The following PDGFC variants were observed in gnomAD, a reference collection of about 807,000 sequenced individuals.
PDGFC encodes the protein platelet-derived growth factor C.
In PDGFC, 12 loss-of-function variants were observed where a neutral mutation model predicts 35.5. That is an observed-to-expected ratio of 0.34 (90% CI 0.22 to 0.55). The LOEUF (loss-of-function observed/expected upper bound fraction) is 0.55, where lower values mean the gene tolerates loss of function less well. PDGFC is among the 20% of genes least tolerant of loss of function. PDGFC has a pLI of 0.91. For synonymous variants in PDGFC, 159 were observed against 148.8 expected, an observed-to-expected ratio of 1.07 and a Z score of -0.50; for missense variants, 322 against 412.4, an observed-to-expected ratio of 0.78 and a Z score of 1.90.
intron 1 of PDGFC, among the ~76,000 whole-genome samples, chr4:156,960,713 C>A (rs1732323513): frequency 6.6e-6 from 1 of 151,942 alleles, no homozygotes; most frequent in Admixed American, 6.6e-5. Flanking sequence ...ATTTTTCATA[C>A]CAGCATTATC....
chr4:156,800,130 C>T (rs1018250487), intron 3 of PDGFC, among the ~76,000 whole-genome samples: 1 of 152,060 alleles, frequency 6.6e-6, no homozygotes, highest in Non-Finnish European at 1.5e-5. Flanking sequence ...GAGTTTTAAT[C>T]TACAAAATGG....
At chr4:156,956,333 C>T (rs944317489) in intron 1 of PDGFC, among the ~76,000 whole-genome samples, 7 of 151,878 alleles carry the variant, frequency 4.6e-5, no homozygotes, top group African/African-American at 1.5e-4. Context: ...GTCCTCAGTC[C>T]GATGGCATTA....
At chr4:156,810,128 T>A (rs1245360391) in intron 3 of PDGFC, among the ~76,000 whole-genome samples, 1 of 151,572 alleles carries the variant, frequency 6.6e-6, no homozygotes, top group Non-Finnish European at 1.5e-5. Flanking sequence ...TATTGCCTAT[T>A]AATAAAAATG....
intron 1 of PDGFC, chr4:156,873,768 G>A (rs574127165): frequency 6.6e-6 from 1 of 152,332 alleles, no homozygotes; most frequent in African/African-American, 2.4e-5. Flanking sequence ...TGCCAGAACA[G>A]TCCTTGGACT....
rs190118976 is a variant in PDGFC, at chr4:156,898,533, C to T, written c.119-48117G>A. On this transcript the variant is annotated intron_variant, in intron 1 of 5. Coordinates refer to ENST00000502773, the MANE Select transcript of PDGFC (RefSeq NM_016205.3). Reference sequence around the variant, plus strand: ...ACTTCTTCACAAGTACAATCTGCAACTGCAACTTGTGTTTGCTCTGTCATT... The same window carrying T: ...ACTTCTTCACAAGTACAATCTGCAATTGCAACTTGTGTTTGCTCTGTCATT... 1.1e-4 allele frequency among the ~76,000 whole-genome samples: 17 copies of T among 152,332 alleles called. No homozygotes were observed. The East Asian group carries it at 1.9e-3, about 17-fold the overall frequency.
chr4:156,911,609 GT>G (rs1380189761), intron 1 of PDGFC, among the ~76,000 whole-genome samples: 1 of 151,998 alleles, frequency 6.6e-6, no homozygotes, highest in African/African-American at 2.4e-5. Flanking sequence ...ACCTCTAAGT[GT>G]TATATTATTA....
chr4:156,854,704 T>C (rs1729533363), intron 1 of PDGFC, among the ~76,000 whole-genome samples: 1 of 152,156 alleles, frequency 6.6e-6, no homozygotes, highest in Non-Finnish European at 1.5e-5. Context: ...GTCATTTTTT[T>C]GAACATATAA....
chr4:156,837,898 A>C (rs1729100066), intron 2 of PDGFC, among the ~76,000 whole-genome samples: 1 of 152,264 alleles, frequency 6.6e-6, no homozygotes, highest in African/African-American at 2.4e-5. Flanking sequence ...AAAACATCTC[A>C]TTAGCCAAGA....
intron 1 of PDGFC, among the ~76,000 whole-genome samples, chr4:156,875,332 C>G (rs758067397): frequency 6.6e-6 from 1 of 152,120 alleles, no homozygotes; most frequent in Non-Finnish European, 1.5e-5. Flanking sequence ...GACACCCTGA[C>G]TTCATTTCAT....
chr4:156,923,277 C>G (rs1731330181), intron 1 of PDGFC, among the ~76,000 whole-genome samples: 1 of 152,150 alleles, frequency 6.6e-6, no homozygotes, highest in Non-Finnish European at 1.5e-5. Flanking sequence ...GCTTCCTATC[C>G]CCTCTGCCTA....
chr4:156,842,672 T>C (rs1383020014), intron 2 of PDGFC, among the ~76,000 whole-genome samples: 1 of 152,138 alleles, frequency 6.6e-6, no homozygotes, highest in Non-Finnish European at 1.5e-5. Flanking sequence ...TCTCTACCAT[T>C]ACACACCCAC....
At chr4:156,921,894 A>AAC (rs371985412) in intron 1 of PDGFC, among the ~76,000 whole-genome samples, 14 of 151,726 alleles carry the variant, frequency 9.2e-5, no homozygotes, top group East Asian at 3.9e-4. Flanking sequence ...TCACACTGAC[A>AAC]ACACACACAC....
At chr4:156,939,649 T>C (rs1431068594) in intron 1 of PDGFC, among the ~76,000 whole-genome samples, 1 of 152,092 alleles carries the variant, frequency 6.6e-6, no homozygotes. Flanking sequence ...GCTTGTTACA[T>C]AAAATGCCTT....
chr4:156,937,480 G>A (rs974224510), intron 1 of PDGFC, among the ~76,000 whole-genome samples: 4 of 152,062 alleles, frequency 2.6e-5, no homozygotes, highest in African/African-American at 9.7e-5. Flanking sequence ...AAGGCAAATG[G>A]CTTGAGCCCA....
chr4:156,872,705 T>C (rs896031727), intron 1 of PDGFC, among the ~76,000 whole-genome samples: 1 of 152,248 alleles, frequency 6.6e-6, no homozygotes, highest in Non-Finnish European at 1.5e-5. Context: ...TGCTGAATAA[T>C]CTCAAATGAC....
At chr4:156,796,270 TCAAA>T (rs528945093) in intron 3 of PDGFC, among the ~76,000 whole-genome samples, 308 of 152,230 alleles carry the variant, frequency 2.0e-3, no homozygotes, top group African/African-American at 7.1e-3. Context: ...TATGCACTAA[TCAAA>T]CATTTTTTAA....
chr4:156,950,291 C>T lies in PDGFC; in HGVS notation c.118+20495G>A, dbSNP rs140741571. Among the ~76,000 whole-genome samples, 661 of 151,906 alleles carry T rather than the reference C, an allele frequency of 4.4e-3. 5 individuals are homozygous for T. Among genetic ancestry groups the T allele is most frequent in the African/African-American group, 0.015 (632 of 41,498 alleles). On this transcript the variant is annotated intron_variant, in intron 1 of 5. Coordinates refer to ENST00000502773, the MANE Select transcript of PDGFC (RefSeq NM_016205.3). ...ACCCTTAGCACAGACAAACAGCTGG[C>T]GCTGGAATGAGACTGTATATGCAGA...
At chr4:156,790,890 T>C in intron 3 of PDGFC, among the ~76,000 whole-genome samples, 1 of 152,340 alleles carries the variant, frequency 6.6e-6, no homozygotes, top group Admixed American at 6.5e-5. Flanking sequence ...TGTTTTTTAT[T>C]ACTCCACATG....
intron 1 of PDGFC, among the ~76,000 whole-genome samples, chr4:156,889,617 G>A (rs1730455953): frequency 6.6e-6 from 1 of 152,042 alleles, no homozygotes; most frequent in South Asian, 2.1e-4. Flanking sequence ...TTTTGTCATG[G>A]GTATTAAGCT....
Sources: gnomAD v4.1 joint callset for allele counts (sites outside exome capture counted in the v4.1 genomes callset) on GRCh38, gnomAD v4.1.1 for gene constraint, MANE v1.5 for transcripts, NCBI Gene and HGNC (gene_info 2026-07-23, HGNC 2026-07-21) for gene names.